AP3B1: variants seen among roughly 807,000 people sequenced by gnomAD.
AP3B1 encodes AP-3 complex subunit beta-1.
A neutral mutation model predicts 132.5 loss-of-function variants in AP3B1; 61 were observed. The observed-to-expected ratio is 0.46, with a 90% CI of 0.37 to 0.57. The LOEUF (loss-of-function observed/expected upper bound fraction) is 0.57, where lower values mean the gene tolerates loss of function less well. AP3B1 is among the 20% of genes least tolerant of loss of function. The probability of loss-of-function intolerance (pLI) is 0.00; values close to 1 mark genes in which losing one functional copy is unlikely to be tolerated. For synonymous variants in AP3B1, 388 were observed against 438.3 expected (o/e 0.89, Z 1.43); for missense variants, 1,120 against 1,289.4 (o/e 0.87, Z 2.01).
At chr5:78,028,396 G>A (rs527760651) in intron 24 of AP3B1, among the ~76,000 whole-genome samples, 126 of 151,570 alleles carry the variant, frequency 8.3e-4, no homozygotes, top group Non-Finnish European at 7.1e-4. Context: ...CCAAGGAGGC[G>A]GAGGTTGCAG....
At chr5:78,005,194 T>C (rs562575409) in intron 26 of AP3B1, among the ~76,000 whole-genome samples, 1 of 152,342 alleles carries the variant, frequency 6.6e-6, no homozygotes, top group East Asian at 1.9e-4. Flanking sequence ...CAGAGGTCCC[T>C]ATTTCTGACA....
At position 78,214,048 on chromosome 5, in the gene AP3B1, G is replaced by A. The variant is rs185834110; in HGVS notation, c.786+2007C>T. 7.4e-3 allele frequency among the ~76,000 whole-genome samples: 1,124 copies of A among 152,288 alleles called. 7 individuals carry two copies. Among genetic ancestry groups the A allele is most frequent in the Non-Finnish European group, 0.012 (805 of 68,020 alleles). Reference sequence around the variant, plus strand: ...CTGTGGCAGTGCTAGCACATCCTGAGGGCTGATGTGCACACTGGAAAACCA... The same window carrying A: ...CTGTGGCAGTGCTAGCACATCCTGAAGGCTGATGTGCACACTGGAAAACCA... On this transcript the variant is annotated intron_variant, in intron 7 of 26. Coordinates refer to ENST00000255194, the MANE Select transcript of AP3B1 (RefSeq NM_003664.5).
At chr5:78,230,100 G>A (rs559782097) in intron 3 of AP3B1, among the ~76,000 whole-genome samples, 4 of 152,198 alleles carry the variant, frequency 2.6e-5, no homozygotes, top group South Asian at 2.1e-4. Context: ...CCACAGATAT[G>A]ACTAATTCTT....
At chr5:78,118,861 C>T (rs529328196) in intron 17 of AP3B1, among the ~76,000 whole-genome samples, 20 of 152,272 alleles carry the variant, frequency 1.3e-4, no homozygotes, top group East Asian at 7.7e-4. Flanking sequence ...GATCTGAGAA[C>T]GGGCAGACTG....
At chr5:78,058,337 T>TA (rs1748901120) in intron 22 of AP3B1, among the ~76,000 whole-genome samples, 1 of 152,030 alleles carries the variant, frequency 6.6e-6, no homozygotes, top group Non-Finnish European at 1.5e-5. Flanking sequence ...CCATCTCTAC[T>TA]AAAAATACAA....
At chr5:78,097,403 G>A (rs1337936447) in intron 21 of AP3B1, among the ~76,000 whole-genome samples, 7 of 124,558 alleles carry the variant, frequency 5.6e-5, no homozygotes, top group East Asian at 2.6e-4. Context: ...CCCCCCGCCC[G>A]GCCAGCCGCC....
intron 17 of AP3B1, among the ~76,000 whole-genome samples, chr5:78,120,036 C>T (rs1471582496): frequency 2.6e-5 from 4 of 152,124 alleles, no homozygotes; most frequent in African/African-American, 4.8e-5. Flanking sequence ...GGCCAATATT[C>T]CACATGCTTA....
In AP3B1 at chr5:78,141,332, G is replaced by A; in HGVS notation, c.1474-13C>T. 1 of 1,607,870 alleles carries A rather than the reference G, an allele frequency of 6.2e-7. No homozygotes were observed. The highest frequency in any genetic ancestry group is 8.5e-7 in the Non-Finnish European group (1 of 1,174,926). ...TAGCAACAGGAACCTAATATGAGAAGCAGATTACATAGTTAGAAGTAAGTT... is the reference window on the plus strand; with the variant it reads ...TAGCAACAGGAACCTAATATGAGAAACAGATTACATAGTTAGAAGTAAGTT... On this transcript the variant is annotated splice_polypyrimidine_tract_variant and intron_variant, in intron 14 of 26. Transcript: ENST00000255194.
At position 78,185,743 on chromosome 5, in the gene AP3B1, AC is replaced by A. The variant is rs1357465572; in HGVS notation, c.787-4082del. On this transcript the variant is annotated intron_variant, in intron 7 of 26. Transcript: ENST00000255194. ...AACTCAGCCATTCATGGGGGTATGT[AC>A]CCATAGTCTTAGCTGCTCAGGAGGC... 3.9e-5 allele frequency among the ~76,000 whole-genome samples: 6 copies of A among 152,286 alleles called. No homozygotes were observed. The South Asian group carries it at 6.2e-4, about 16-fold the overall frequency.
intron 17 of AP3B1, 28 bp from the exon 18 acceptor site, chr5:78,116,262 A>T (rs759226665): frequency 6.4e-7 from 1 of 1,550,752 alleles, no homozygotes; most frequent in South Asian, 1.1e-5. Flanking sequence ...GTAAATATAA[A>T]TGAATTCTCA....
intron 1 of AP3B1, among the ~76,000 whole-genome samples, chr5:78,273,012 CATACATATACACACATATATGTATGCAT>C (rs70997977): frequency 2.7e-5 from 4 of 149,900 alleles, no homozygotes; most frequent in South Asian, 2.1e-4. Context: ...AGCTGAAATA[CATACATATACACACATATATGTATGCAT>C]ATACATATAC....
intron 1 of AP3B1, among the ~76,000 whole-genome samples, chr5:78,276,873 A>C (rs1274394025): frequency 7.1e-6 from 1 of 141,574 alleles, no homozygotes; most frequent in East Asian, 2.0e-4. Flanking sequence ...TGTCCCTAAA[A>C]AAAAAAAAAG....
chr5:78,116,614 G>T (rs905679561), intron 17 of AP3B1, among the ~76,000 whole-genome samples: 1 of 140,354 alleles, frequency 7.1e-6, no homozygotes, highest in African/African-American at 2.6e-5. Context: ...GGAAAAGAGA[G>T]AAAAAAAAAA....
chr5:78,163,064 A>C, intron 12 of AP3B1, 113 bp from the exon 13 acceptor site: 86 of 982,594 alleles, frequency 8.8e-5, no homozygotes, highest in Middle Eastern at 2.3e-4. Context: ...TAAACTTCTC[A>C]TAAGCACAAT....
chr5:78,077,940 A>G (rs1416959818), intron 22 of AP3B1, among the ~76,000 whole-genome samples: 1 of 152,178 alleles, frequency 6.6e-6, no homozygotes, highest in Non-Finnish European at 1.5e-5. Context: ...TGTCTTCTAA[A>G]GCATGATGTT....
intron 7 of AP3B1, among the ~76,000 whole-genome samples, chr5:78,200,663 A>G (rs1745252956): frequency 6.6e-6 from 1 of 152,138 alleles, no homozygotes; most frequent in Admixed American, 6.5e-5. Flanking sequence ...AAAAACAACA[A>G]CAAAAAAGTA....
At chr5:78,249,192 T>C (rs1747519179) in intron 2 of AP3B1, among the ~76,000 whole-genome samples, 2 of 149,850 alleles carry the variant, frequency 1.3e-5, no homozygotes, top group Non-Finnish European at 3.0e-5. Context: ...CCATCTCTAT[T>C]AAAAATACAA....
intron 1 of AP3B1, among the ~76,000 whole-genome samples, chr5:78,287,124 T>G (rs578030063): frequency 6.6e-6 from 1 of 152,366 alleles, no homozygotes; most frequent in East Asian, 1.9e-4. Flanking sequence ...GCCTTTTTCA[T>G]GTGCTTTAAT....
intron 13 of AP3B1, among the ~76,000 whole-genome samples, chr5:78,161,850 T>C (rs1743399912): frequency 6.6e-6 from 1 of 151,954 alleles, no homozygotes; most frequent in Non-Finnish European, 1.5e-5. Context: ...CTCAACAATG[T>C]TACAGTTTTC....
Sources: gnomAD v4.1 joint callset for allele counts (sites outside exome capture counted in the v4.1 genomes callset) on GRCh38, gnomAD v4.1.1 for gene constraint, MANE v1.5 for transcripts, NCBI Gene and HGNC (gene_info 2026-07-23, HGNC 2026-07-21) for gene names.